CRAMP1: variants seen among roughly 807,000 people sequenced by gnomAD.
The protein encoded by CRAMP1 is cramped chromatin regulator 1.
A neutral mutation model predicts 115.4 loss-of-function variants in CRAMP1; 50 were observed. The ratio of observed to expected loss-of-function variants is 0.43; its 90% CI spans 0.35 to 0.55. The LOEUF (loss-of-function observed/expected upper bound fraction) is 0.55, where lower values mean the gene tolerates loss of function less well. CRAMP1 is among the 20% of genes least tolerant of loss of function. CRAMP1 has a pLI of 0.01. For synonymous variants in CRAMP1, 866 were observed against 745.4 expected, an observed-to-expected ratio of 1.16 and a Z score of -2.64; for missense variants, 1,679 against 1,721.7, an observed-to-expected ratio of 0.98 and a Z score of 0.44.
chr16:1,665,976 C>T (rs753191135), intron 14 of CRAMP1, 97 bp from the exon 15 acceptor site: 91 of 781,074 alleles, frequency 1.2e-4, no homozygotes, highest in Non-Finnish European at 2.0e-4. Context: ...CCCACACTCC[C>T]AACAGTGGCT....
intron 5 of CRAMP1, 128 bp from the exon 6 acceptor site, chr16:1,641,011 A>G (rs1250634291): frequency 3.1e-6 from 2 of 650,278 alleles, no homozygotes; most frequent in African/African-American, 1.8e-5. Context: ...TAGGGCTTTT[A>G]TTCCAGAGGA....
At chr16:1,641,887 C>T (rs1271835309) in intron 6 of CRAMP1, among the ~76,000 whole-genome samples, 3 of 151,400 alleles carry the variant, frequency 2.0e-5, no homozygotes, top group Admixed American at 6.6e-5. Context: ...CTGGGGGGTC[C>T]CCACTCTGGA....
At position 1,614,779 on chromosome 16, in the gene CRAMP1, G is replaced by A; in HGVS notation, c.140G>A (p.Arg47Lys). The change falls in exon 2 of 21, where the codon AGG becomes AAG. Residue 47 changes from arginine to lysine, a missense_variant. Coordinates refer to ENST00000397412, the MANE Select transcript of CRAMP1 (RefSeq NM_020825.4). This position sits in a 1 kb window ranked among gnomAD's most constrained non-coding sequence, Gnocchi z 4.4. ...GCCGAGGAGAGCAGCGGCACAAAGA[G>A]GGACGAGAAGACCCCCCGGGCCGGC... ...DAAEESSGTKRDEKTPRAGAD... is the reference protein window; with the variant it reads ...DAAEESSGTKKDEKTPRAGAD... 1.5e-6 allele frequency: 2 copies of A among 1,353,878 alleles called. No individual in the cohort carries two copies. The highest frequency in any genetic ancestry group is 2.0e-5 in the South Asian group (1 of 50,320). 83.9% of individuals were successfully genotyped at this position (1,353,878 alleles called of 1,614,324 possible).
In CRAMP1 at chr16:1,631,401, C is replaced by T. The variant is rs143982298; in HGVS notation, c.541-811C>T. Among the ~76,000 whole-genome samples, 523 of 152,326 alleles carry T rather than the reference C, an allele frequency of 3.4e-3. 1 individual carries two copies. Among genetic ancestry groups the T allele is most frequent in the Non-Finnish European group, 5.7e-3 (389 of 68,036 alleles). Reference sequence around the variant, plus strand: ...CCAGTGTATTCTCGTGTGCTGGTGCCGTCAGGCATTCCAGACTCAGTGGCT... The same window carrying T: ...CCAGTGTATTCTCGTGTGCTGGTGCTGTCAGGCATTCCAGACTCAGTGGCT... On this transcript the variant is annotated intron_variant, in intron 3 of 20. Coordinates refer to ENST00000397412, the MANE Select transcript of CRAMP1 (RefSeq NM_020825.4).
At chr16:1,663,657 C>T (rs1047851086) in intron 13 of CRAMP1, among the ~76,000 whole-genome samples, 3 of 152,136 alleles carry the variant, frequency 2.0e-5, no homozygotes, top group East Asian at 1.9e-4. Flanking sequence ...AGGTGTACGA[C>T]GACCATCACC....
In CRAMP1 at chr16:1,617,341, C is replaced by T. The variant is rs77077341; in HGVS notation, c.346+2356C>T. 2.7e-3 allele frequency among the ~76,000 whole-genome samples: 416 copies of T among 152,322 alleles called. 2 individuals carry two copies. Among genetic ancestry groups the T allele is most frequent in the African/African-American group, 8.7e-3 (360 of 41,556 alleles). ...ACTGTGCCCAGGACATCCTCTGACA[C>T]CAGTCTTTGGAGAGACCTCTGCTCA... On this transcript the variant is annotated intron_variant, in intron 2 of 20. Coordinates refer to ENST00000397412, the MANE Select transcript of CRAMP1 (RefSeq NM_020825.4).
rs2036401036 is a variant in CRAMP1, at chr16:1,614,669, C to T, written c.30C>T (p.Ser10=). ...CAGTGAAGTTGGGCGACGGCGGCAG[C>T]GGGGAGGACGGGCTCAAGAAGCTGG... MTVKLGDGG[S]GEDGLKKLGK... Residue 10 remains serine, a synonymous_variant, in exon 2 of 21, where the codon AGC becomes AGT. Transcript: ENST00000397412. This position sits in a 1 kb window ranked among gnomAD's most constrained non-coding sequence, Gnocchi z 4.4. The T allele has an allele frequency of 7.7e-7, 1 of 1,294,356 alleles. No individual in the cohort carries two copies. The highest frequency in any genetic ancestry group is 3.2e-5 in the East Asian group (1 of 31,444). The allele number at this position is 1,294,356 out of a possible 1,614,324, so 80.2% of individuals were successfully genotyped here.
intron 18 of CRAMP1, 50 bp downstream of exon 18, chr16:1,668,243 C>G: frequency 7.5e-7 from 1 of 1,332,556 alleles, no homozygotes; most frequent in Non-Finnish European, 1.1e-6. Context: ...GTGTTGATCT[C>G]CTGCCCCAAT....
At chr16:1,664,189 T>C (rs1007017711) in intron 13 of CRAMP1, among the ~76,000 whole-genome samples, 3 of 152,260 alleles carry the variant, frequency 2.0e-5, no homozygotes, top group African/African-American at 7.2e-5. Context: ...TGTTCATGTT[T>C]TATCTGGATT....
At chr16:1,628,835 G>A (rs2036526562) in intron 3 of CRAMP1, among the ~76,000 whole-genome samples, 1 of 152,220 alleles carries the variant, frequency 6.6e-6, no homozygotes, top group South Asian at 2.1e-4. Flanking sequence ...GCCTCAGTTG[G>A]TCACTCCTGA....
chr16:1,616,453 G>A (rs927631881), intron 2 of CRAMP1, among the ~76,000 whole-genome samples: 2 of 152,234 alleles, frequency 1.3e-5, no homozygotes, highest in Admixed American at 1.3e-4. Flanking sequence ...CCCCGTTGAA[G>A]TGCGGCTGCT....
Position 1,666,168 on chromosome 16 carries a change from C to A in CRAMP1, c.2848C>A (p.His950Asn). 1 of 1,603,340 alleles carries A rather than the reference C, an allele frequency of 6.2e-7. No individual in the cohort carries two copies. The highest frequency in any genetic ancestry group is 8.5e-7 in the Non-Finnish European group (1 of 1,174,258). The change falls in exon 15 of 21, where the codon CAC (histidine) becomes AAC (asparagine). Residue 950 changes from histidine (H) to asparagine (N), a missense_variant. Around this residue, in one of 8 missense-constraint regions of CRAMP1, gnomAD observed 709 missense variants for 741.9 expected, o/e 0.96. Transcript: ENST00000397412. The surrounding 1 kb of genome is among the most constrained non-coding windows in gnomAD (Gnocchi z 5.0). ...PKVLPPQATS[H>N]LASAIDLAAT... ...GGTCCTTCCACCCCAGGCCACGAGT[C>A]ACCTGGCCAGTAAGTCTGTACCTGC...
In CRAMP1 at chr16:1,656,406, A is replaced by T; in HGVS notation, c.1649A>T (p.Asp550Val). 6.3e-7 allele frequency: 1 copy of T among 1,591,288 alleles called. No individual in the cohort carries two copies. Among genetic ancestry groups the T allele is most frequent in the South Asian group, 1.1e-5 (1 of 87,998 alleles). Residue 550 changes from aspartate (D) to valine (V), a missense_variant, in exon 10 of 21, where the codon GAC becomes GTC. Asp to Val is a radical substitution (Grantham distance 152, BLOSUM62 -3). Around this residue, in one of 8 missense-constraint regions of CRAMP1, gnomAD observed 405 missense variants for 302.6 expected, o/e 1.34. Transcript: ENST00000397412. This position sits in a 1 kb window ranked among gnomAD's most constrained non-coding sequence, Gnocchi z 5.6. ...CCGTGTGCCTGTGGCCAGCTCCCAG[A>T]CCTGGAGGACGAGCTCTCGCTTCTA... ...ALPCACGQLP[D>V]LEDELSLLDP...
chr16:1,654,447 G>C (rs1461104206), intron 8 of CRAMP1, among the ~76,000 whole-genome samples: 1 of 152,144 alleles, frequency 6.6e-6, no homozygotes, highest in Non-Finnish European at 1.5e-5. Context: ...CCTGATCTCA[G>C]GTGATCTGCC....
chr16:1,648,520 A>G (rs1289148718), intron 6 of CRAMP1, among the ~76,000 whole-genome samples: 1 of 150,592 alleles, frequency 6.6e-6, no homozygotes, highest in Non-Finnish European at 1.5e-5. Flanking sequence ...CAGGAGGATC[A>G]CTTGAGCCCA....
Position 1,666,547 on chromosome 16 carries a change from G to A in CRAMP1, c.2983G>A (p.Gly995Arg). Residue 995 changes from glycine (G) to arginine (R), a missense_variant, in exon 16 of 21, where the codon GGG (glycine) becomes AGG (arginine). Gly to Arg is a moderately radical substitution (Grantham distance 125, BLOSUM62 -2). This residue lies in a region of CRAMP1 where 709 missense variants were observed against 741.9 expected (regional missense o/e 0.96). Coordinates refer to ENST00000397412, the MANE Select transcript of CRAMP1 (RefSeq NM_020825.4). The surrounding 1 kb of genome is among the most constrained non-coding windows in gnomAD (Gnocchi z 5.0). ...SSDEVTGAIS[G>R]QDSTGTHQDG... Reference sequence around the variant, plus strand: ...AGACGAGGTGACGGGTGCCATCTCGGGGCAGGACTCTACTGGAACTCACCA... The same window carrying A: ...AGACGAGGTGACGGGTGCCATCTCGAGGCAGGACTCTACTGGAACTCACCA... 6.2e-7 allele frequency: 1 copy of A among 1,613,968 alleles called. No individual in the cohort carries two copies. The highest frequency in any genetic ancestry group is 1.1e-5 in the South Asian group (1 of 91,080).
At position 1,656,917 on chromosome 16, in the gene CRAMP1, A is replaced by C; in HGVS notation, c.2160A>C (p.Leu720=). 6.4e-7 allele frequency: 1 copy of C among 1,556,580 alleles called. No individual in the cohort carries two copies. Among genetic ancestry groups the C allele is most frequent in the South Asian group, 1.2e-5 (1 of 84,344 alleles). ...GCCAGGACCCCCGCCCCGGCTCCCTACCCACCGCCCTCCACAAGCAGCGCC... is the reference window on the plus strand; with the variant it reads ...GCCAGGACCCCCGCCCCGGCTCCCTCCCCACCGCCCTCCACAAGCAGCGCC... The part of the protein sequence containing the change: ...PGRQDPRPGS[L]PTALHKQRLL... The change falls in exon 10 of 21, where the codon CTA becomes CTC. Residue 720 remains leucine (L), a synonymous_variant. Coordinates refer to ENST00000397412, the MANE Select transcript of CRAMP1 (RefSeq NM_020825.4). This position sits in a 1 kb window ranked among gnomAD's most constrained non-coding sequence, Gnocchi z 5.6.
At chr16:1,642,591 C>T (rs1277767909) in intron 6 of CRAMP1, among the ~76,000 whole-genome samples, 3 of 152,222 alleles carry the variant, frequency 2.0e-5, no homozygotes, top group Admixed American at 1.3e-4. Context: ...TGCTCCTGCT[C>T]TACCTCCATC....
At chr16:1,643,778 G>T (rs1289155035) in intron 6 of CRAMP1, among the ~76,000 whole-genome samples, 10 of 152,240 alleles carry the variant, frequency 6.6e-5, no homozygotes, top group Admixed American at 6.5e-4. Flanking sequence ...AATGAAGAGG[G>T]AGCCTGGCAT....
Sources: gnomAD v4.1 joint callset for allele counts (sites outside exome capture counted in the v4.1 genomes callset) on GRCh38, gnomAD v4.1.1 for gene constraint, gnomAD v4.1.1 regional missense constraint, Gnocchi (gnomAD v3.1) non-coding constraint, MANE v1.5 for transcripts, NCBI Gene and HGNC (gene_info 2026-07-23, HGNC 2026-07-21) for gene names.